The following DLGAP2 variants were observed in gnomAD, a reference collection of about 807,000 sequenced individuals.
DLGAP2 encodes disks large-associated protein 2.
DLGAP2 carries 26 observed loss-of-function variants against 100.3 expected under a neutral mutation model. The observed-to-expected ratio is 0.26, with a 90% confidence interval of 0.19 to 0.36. The LOEUF (loss-of-function observed/expected upper bound fraction) is 0.36, where lower values mean the gene tolerates loss of function less well. Among genes scored for constraint, DLGAP2 ranks in the 10% least tolerant of loss-of-function variants. DLGAP2 has a pLI of 1.00. For synonymous variants in DLGAP2, 886 were observed against 630.1 expected (o/e 1.41, Z -6.08); for missense variants, 1,858 against 1,453.2 (o/e 1.28, Z -4.53).
Position 1,173,712 on chromosome 8 carries a change from C to A in DLGAP2, c.74-85139C>A, listed in dbSNP as rs372389428. Among the ~76,000 whole-genome samples the A allele has an allele frequency of 5.3e-5, 8 of 152,282 alleles. No individual in the cohort carries two copies. The East Asian group carries it at 9.7e-4, about 18-fold the overall frequency. On this transcript the variant is annotated intron_variant, in intron 2 of 14. Transcript: ENST00000637795. Reference sequence around the variant, plus strand: ...GTGCAGGATATAATCTCCTGGTGCGCCATTTTTTAAGCCCATCGGAAAAAG... The same window carrying A: ...GTGCAGGATATAATCTCCTGGTGCGACATTTTTTAAGCCCATCGGAAAAAG...
At chr8:1,300,427 A>G (rs1285683116) in intron 3 of DLGAP2, 2 of 152,150 alleles carry the variant, frequency 1.3e-5, no homozygotes, top group African/African-American at 4.8e-5. Context: ...TGCCCTCCCC[A>G]GATGCATAAC....
intron 2 of DLGAP2, among the ~76,000 whole-genome samples, chr8:919,364 G>A (rs1798660608): frequency 6.6e-6 from 1 of 152,154 alleles, no homozygotes; most frequent in South Asian, 2.1e-4. Context: ...GCTTTCTGAT[G>A]TTCTCAGTCT....
At chr8:1,119,152 T>G (rs1795975314) in intron 2 of DLGAP2, among the ~76,000 whole-genome samples, 1 of 152,256 alleles carries the variant, frequency 6.6e-6, no homozygotes. Flanking sequence ...GCCCATATTA[T>G]TTTGCACTGA....
At chr8:912,148 A>C (rs934670453) in intron 2 of DLGAP2, among the ~76,000 whole-genome samples, 1 of 152,234 alleles carries the variant, frequency 6.6e-6, no homozygotes, top group African/African-American at 2.4e-5. Flanking sequence ...TGATTTTGCA[A>C]TATGGCAGCA....
rs1188514288 is a variant in DLGAP2, at chr8:1,183,391, C to T, written c.74-75460C>T. Among the ~76,000 whole-genome samples, 3 of 152,246 alleles carry T rather than the reference C, an allele frequency of 2.0e-5. No individual in the cohort carries two copies. In the East Asian group the frequency reaches 5.8e-4, roughly 29 times the overall value. ...TAGATGTGGCAGTGCTTGGTGTGTG[C>T]AAGTGTGTTTTCTGATATTGATATT... On this transcript the variant is annotated intron_variant, in intron 2 of 14. Coordinates refer to ENST00000637795, the MANE Select transcript of DLGAP2 (RefSeq NM_001346810.2).
intron 2 of DLGAP2, among the ~76,000 whole-genome samples, chr8:1,230,105 G>A (rs1030386876): frequency 5.9e-5 from 9 of 152,080 alleles, no homozygotes; most frequent in African/African-American, 1.9e-4. Context: ...TTCTATACCT[G>A]CAAAACCCCA....
chr8:925,683 A>G (rs1282955633), intron 2 of DLGAP2, among the ~76,000 whole-genome samples: 1 of 152,188 alleles, frequency 6.6e-6, no homozygotes, highest in African/African-American at 2.4e-5. Flanking sequence ...GCTTATATAT[A>G]TAAATCTCAT....
intron 3 of DLGAP2, among the ~76,000 whole-genome samples, chr8:1,317,316 G>T (rs13249718): frequency 3.0e-5 from 2 of 66,126 alleles, no homozygotes; most frequent in Non-Finnish European, 6.1e-5. Flanking sequence ...AAAAATAGAG[G>T]CTGTGCGAGT....
At chr8:863,576 A>G (rs1797433694) in intron 1 of DLGAP2, among the ~76,000 whole-genome samples, 1 of 151,820 alleles carries the variant, frequency 6.6e-6, no homozygotes, top group South Asian at 2.1e-4. Flanking sequence ...TTTTCTCTTC[A>G]CTCTGTTGAT....
At position 1,156,463 on chromosome 8, in the gene DLGAP2, C is replaced by T. The variant is rs562694382; in HGVS notation, c.74-102388C>T. Reference sequence around the variant, plus strand: ...CACACGGTGCCAGGCCACACGCTCACGTCTCCATCTCACCTGCCTGGGTGG... The same window carrying T: ...CACACGGTGCCAGGCCACACGCTCATGTCTCCATCTCACCTGCCTGGGTGG... On this transcript the variant is annotated intron_variant, in intron 2 of 14. Coordinates refer to ENST00000637795, the MANE Select transcript of DLGAP2 (RefSeq NM_001346810.2). Among the ~76,000 whole-genome samples, 5 of 152,308 alleles carry T rather than the reference C, an allele frequency of 3.3e-5. No homozygotes were observed. The South Asian group carries it at 6.2e-4, about 19-fold the overall frequency.
At chr8:1,072,987 G>A (rs964299184) in intron 2 of DLGAP2, among the ~76,000 whole-genome samples, 9 of 152,270 alleles carry the variant, frequency 5.9e-5, no homozygotes, top group South Asian at 2.1e-4. Flanking sequence ...AGCTGTATCC[G>A]ACTAATTATC....
intron 10 of DLGAP2, among the ~76,000 whole-genome samples, chr8:1,674,516 T>A (rs1798764676): frequency 6.6e-6 from 1 of 152,238 alleles, no homozygotes; most frequent in Non-Finnish European, 1.5e-5. Context: ...TTAGGCTGGA[T>A]TCCTAGAAAT....
chr8:1,315,505 G>A (rs1303304543), intron 3 of DLGAP2, among the ~76,000 whole-genome samples: 16 of 142,668 alleles, frequency 1.1e-4, no homozygotes, highest in African/African-American at 1.9e-4. Context: ...GAGCGTGTGC[G>A]AGTGCAGCGT....
chr8:759,173 G>GACAGCTTTCCCA (rs1821005599), intron 1 of DLGAP2, among the ~76,000 whole-genome samples: 4 of 14,026 alleles, frequency 2.9e-4, no homozygotes, highest in African/African-American at 9.6e-4. Context: ...CAGCCTTCCC[G>GACAGCTTTCCCA]TTATCAATAC....
intron 3 of DLGAP2, among the ~76,000 whole-genome samples, chr8:1,354,081 G>C (rs943892136): frequency 1.3e-5 from 2 of 152,146 alleles, no homozygotes; most frequent in African/African-American, 4.8e-5. Context: ...TGTTGTATCA[G>C]AAGCCTTAAA....
At chr8:792,441 C>T (rs545585756) in intron 1 of DLGAP2, among the ~76,000 whole-genome samples, 2 of 152,142 alleles carry the variant, frequency 1.3e-5, no homozygotes, top group Non-Finnish European at 2.9e-5. Context: ...AAAATTGATC[C>T]TGGATGTCCT....
chr8:1,522,376 G>T (rs1330033743), intron 4 of DLGAP2, among the ~76,000 whole-genome samples: 1 of 152,230 alleles, frequency 6.6e-6, no homozygotes, highest in Non-Finnish European at 1.5e-5. Flanking sequence ...GCTGGCAGGT[G>T]TGCAGCAGCC....
intron 6 of DLGAP2, among the ~76,000 whole-genome samples, chr8:1,590,568 C>T (rs899046835): frequency 1.3e-5 from 2 of 152,230 alleles, no homozygotes; most frequent in Non-Finnish European, 2.9e-5. Flanking sequence ...ATCAGTTTAG[C>T]GATTGTTGGT....
intron 2 of DLGAP2, among the ~76,000 whole-genome samples, chr8:948,772 G>T (rs1308235758): frequency 6.6e-6 from 1 of 152,268 alleles, no homozygotes; most frequent in Non-Finnish European, 1.5e-5. Flanking sequence ...GCCGTGGGGA[G>T]CCAGCCTTGT....
Sources: gnomAD v4.1 joint callset for allele counts (sites outside exome capture counted in the v4.1 genomes callset) on GRCh38, gnomAD v4.1.1 for gene constraint, MANE v1.5 for transcripts, NCBI Gene and HGNC (gene_info 2026-07-23, HGNC 2026-07-21) for gene names.